Variants in SEMA5A observed in about 807,000 individuals in gnomAD.
SEMA5A encodes semaphorin 5A.
SEMA5A carries 55 observed loss-of-function variants against 135.5 expected under a neutral mutation model. The observed-to-expected ratio is 0.41, with a 90% CI of 0.33 to 0.51. The LOEUF is 0.51. SEMA5A is among the 20% of genes least tolerant of loss of function. The pLI, the probability that SEMA5A is intolerant of heterozygous loss-of-function variation, is 0.37. For synonymous variants in SEMA5A, 580 were observed against 546.5 expected, an observed-to-expected ratio of 1.06 and a Z score of -0.85; for missense variants, 1,290 against 1,419.9, an observed-to-expected ratio of 0.91 and a Z score of 1.47.
At chr5:9,146,679 C>A (rs1040051610) in intron 12 of SEMA5A, among the ~76,000 whole-genome samples, 6 of 152,120 alleles carry the variant, frequency 3.9e-5, no homozygotes, top group African/African-American at 1.4e-4. Flanking sequence ...TTACTTACAC[C>A]AGAATTTCTT....
intron 5 of SEMA5A, among the ~76,000 whole-genome samples, chr5:9,275,235 A>G (rs1185635253): frequency 6.6e-6 from 1 of 152,182 alleles, no homozygotes; most frequent in Non-Finnish European, 1.5e-5. Context: ...AATCTAGAAG[A>G]AATGGAAAAG....
chr5:9,291,387 A>G (rs1376512860), intron 5 of SEMA5A, among the ~76,000 whole-genome samples: 1 of 152,170 alleles, frequency 6.6e-6, no homozygotes. Context: ...TCCTTTGACC[A>G]ATAAAATATG....
In SEMA5A at chr5:9,136,375, A is replaced by G. The variant is rs6883525; in HGVS notation, c.1599+129T>C. On this transcript the variant is annotated intron_variant, in intron 13 of 22. Transcript: ENST00000382496. ...AGAGCTGAGTGATCTGAGAGAGCACAGACTGGGTTTGCAAAAATGGTTCTC... is the reference window on the plus strand; with the variant it reads ...AGAGCTGAGTGATCTGAGAGAGCACGGACTGGGTTTGCAAAAATGGTTCTC... 10 of 702,200 alleles carry G rather than the reference A, an allele frequency of 1.4e-5. No homozygotes were observed. The African/African-American group carries it at 1.6e-4, about 11-fold the overall frequency. 43.5% of individuals were successfully genotyped at this position (702,200 alleles called of 1,614,324 possible).
intron 2 of SEMA5A, among the ~76,000 whole-genome samples, chr5:9,391,777 C>T (rs1453797741): frequency 6.6e-6 from 1 of 152,164 alleles, no homozygotes; most frequent in Non-Finnish European, 1.5e-5. Context: ...TTCTGTGTTG[C>T]ATCCAGATAA....
intron 5 of SEMA5A, among the ~76,000 whole-genome samples, chr5:9,257,830 G>A (rs1340017416): frequency 6.6e-6 from 1 of 152,108 alleles, no homozygotes; most frequent in African/African-American, 2.4e-5. Flanking sequence ...CAAAGCCCAG[G>A]AACAGGGTAC....
intron 16 of SEMA5A, among the ~76,000 whole-genome samples, chr5:9,100,085 T>C (rs1198658933): frequency 6.6e-6 from 1 of 152,206 alleles, no homozygotes; most frequent in Non-Finnish European, 1.5e-5. Context: ...TGGAGTGCCA[T>C]CTGGCCTAAT....
At chr5:9,115,799 C>T (rs908184659) in intron 15 of SEMA5A, among the ~76,000 whole-genome samples, 14 of 152,160 alleles carry the variant, frequency 9.2e-5, no homozygotes, top group African/African-American at 3.4e-4. Context: ...GATATTCATA[C>T]CCTGTGTCAT....
At chr5:9,423,575 A>C (rs564755241) in intron 2 of SEMA5A, among the ~76,000 whole-genome samples, 44 of 152,364 alleles carry the variant, frequency 2.9e-4, no homozygotes, top group African/African-American at 1.0e-3. Context: ...ACTGTGAGAA[A>C]TGTGAGCCTT....
Position 9,108,797 on chromosome 5 carries a change from T to C in SEMA5A, c.1926-510A>G, listed in dbSNP as rs1017042579. 2.6e-5 allele frequency among the ~76,000 whole-genome samples: 4 copies of C among 152,306 alleles called. No individual in the cohort carries two copies. The East Asian group carries it at 5.8e-4, about 22-fold the overall frequency. ...GATTAGCATGAAGGCCCAAGTTATATACTGCTTAAGCTATTCTACTTTTAA... is the reference window on the plus strand; with the variant it reads ...GATTAGCATGAAGGCCCAAGTTATACACTGCTTAAGCTATTCTACTTTTAA... On this transcript the variant is annotated intron_variant, in intron 15 of 22. Transcript: ENST00000382496.
In SEMA5A at chr5:9,109,027, A is replaced by ATTTTTTTTT. The variant is rs1305606521; in HGVS notation, c.1926-741_1926-740insAAAAAAAAA. Among the ~76,000 whole-genome samples, 242 of 118,850 alleles carry ATTTTTTTTT rather than the reference A, an allele frequency of 2.0e-3. 17 individuals are homozygous for ATTTTTTTTT. Among genetic ancestry groups the ATTTTTTTTT allele is most frequent in the East Asian group, 0.017 (66 of 3,784 alleles). The allele number at this position is 118,850 out of a possible 152,430, so 78.0% of individuals were successfully genotyped here. ...ATCATGAGTCATATTATTTCTCTTC[A>ATTTTTTTTT]ATTTTTTTTTTTTTTTTTTTTTTTT... On this transcript the variant is annotated intron_variant, in intron 15 of 22. Coordinates refer to ENST00000382496, the MANE Select transcript of SEMA5A (RefSeq NM_003966.3).
At chr5:9,531,458 A>G (rs1334102983) in intron 1 of SEMA5A, among the ~76,000 whole-genome samples, 3 of 152,226 alleles carry the variant, frequency 2.0e-5, no homozygotes, top group Middle Eastern at 3.4e-3. Flanking sequence ...ATGGGCATGT[A>G]CCTTTGAAGC....
intron 4 of SEMA5A, among the ~76,000 whole-genome samples, chr5:9,324,634 G>C (rs1044894563): frequency 6.6e-6 from 1 of 152,110 alleles, no homozygotes; most frequent in Non-Finnish European, 1.5e-5. Flanking sequence ...AAAGTTAAAG[G>C]TTACAAAAAG....
At chr5:9,147,350 G>T (rs1209535523) in intron 12 of SEMA5A, among the ~76,000 whole-genome samples, 1 of 151,730 alleles carries the variant, frequency 6.6e-6, no homozygotes, top group Non-Finnish European at 1.5e-5. Context: ...GGAGTGTACT[G>T]CAACCTCCGC....
chr5:9,201,158 T>C (rs899613486), intron 9 of SEMA5A, among the ~76,000 whole-genome samples: 5 of 152,188 alleles, frequency 3.3e-5, no homozygotes, highest in Non-Finnish European at 7.3e-5. Flanking sequence ...AGCCAGTGTG[T>C]AGGAAAGTGA....
At chr5:9,544,442 GCCA>G (rs548976870) in intron 1 of SEMA5A, among the ~76,000 whole-genome samples, 104 of 152,232 alleles carry the variant, frequency 6.8e-4, no homozygotes, top group Non-Finnish European at 1.2e-3. Context: ...TTTATGTCTG[GCCA>G]CCACCTTTCC....
chr5:9,256,162 C>T (rs185585818), intron 5 of SEMA5A, among the ~76,000 whole-genome samples: 1 of 152,294 alleles, frequency 6.6e-6, no homozygotes, highest in African/African-American at 2.4e-5. Flanking sequence ...TCCTCTATGA[C>T]TCACCCAAAA....
chr5:9,510,826 T>C lies in SEMA5A; in HGVS notation c.-175+34758A>G, dbSNP rs116076944. Among the ~76,000 whole-genome samples, 854 of 152,336 alleles carry C rather than the reference T, an allele frequency of 5.6e-3. 5 individuals carry two copies. The highest frequency in any genetic ancestry group is 9.0e-3 in the Non-Finnish European group (611 of 68,030). On this transcript the variant is annotated intron_variant, in intron 1 of 22. Transcript: ENST00000382496. ...GTAATTTCTCAATAGAGAAATGTTT[T>C]AAAATATAATTTCAGATAATTCAAG... is the stretch of plus-strand genomic sequence containing the variant.
chr5:9,065,443 A>G (rs1399776455), intron 17 of SEMA5A, among the ~76,000 whole-genome samples: 1 of 152,262 alleles, frequency 6.6e-6, no homozygotes, highest in Non-Finnish European at 1.5e-5. Context: ...GCAACACACC[A>G]GCTCGGTGGC....
At chr5:9,384,987 T>G (rs1755826344) in intron 2 of SEMA5A, among the ~76,000 whole-genome samples, 1 of 152,212 alleles carries the variant, frequency 6.6e-6, no homozygotes, top group Non-Finnish European at 1.5e-5. Flanking sequence ...CTATCATCAT[T>G]CAACCAACTC....
Sources: allele counts gnomAD v4.1 joint callset (sites outside exome capture counted in the v4.1 genomes callset), GRCh38; gene constraint gnomAD v4.1.1; transcripts MANE v1.5; gene names NCBI Gene and HGNC (gene_info 2026-07-23, HGNC 2026-07-21).